KAZN: variants seen among roughly 807,000 people sequenced by gnomAD.
KAZN encodes kazrin.
Under a neutral mutation model 87.4 loss-of-function variants are expected in KAZN, and 40 were observed. The ratio of observed to expected loss-of-function variants is 0.46; its 90% confidence interval spans 0.36 to 0.60. The LOEUF (loss-of-function observed/expected upper bound fraction) is 0.60, where lower values mean the gene tolerates loss of function less well. Among genes scored for constraint, KAZN ranks in the 20% least tolerant of loss-of-function variants. The pLI is 0.00. For missense variants in KAZN, 898 were observed against 1,073.9 expected (o/e 0.84, Z 2.29); for synonymous variants, 466 against 458.3 (o/e 1.02, Z -0.22).
chr1:15,044,175 AC>A lies in KAZN; in HGVS notation c.726+19del. The stretch of plus-strand genomic sequence containing the variant: ...GCTGGCCATGGTGAGAACCCTCCCC[AC>A]CCAGGTGGGCCTGGCATCTGCTAGC... On this transcript the variant is annotated intron_variant, in intron 4 of 14. Coordinates refer to ENST00000376030, the MANE Select transcript of KAZN (RefSeq NM_201628.3). The A allele has an allele frequency of 7.2e-7, 1 of 1,390,972 alleles. No homozygotes were observed. Among genetic ancestry groups the A allele is most frequent in the South Asian group, 1.2e-5 (1 of 83,804 alleles). The allele number at this position is 1,390,972 out of a possible 1,614,324, so 86.2% of individuals were successfully genotyped here. A position where few individuals can be genotyped will look rare whatever the true frequency, so the allele number is the denominator to read the frequency against.
At chr1:14,609,846 T>G (rs1192896209) in intron 1 of KAZN, among the ~76,000 whole-genome samples, 1 of 152,240 alleles carries the variant, frequency 6.6e-6, no homozygotes, top group Non-Finnish European at 1.5e-5. Flanking sequence ...TTGATTTGTC[T>G]AAGATTGGTG....
rs189550623 is a variant in KAZN at position 13,970,042 on chromosome 1, T to G, written c.91+76286T>G. Among the ~76,000 whole-genome samples the G allele has an allele frequency of 4.5e-4, 68 of 152,326 alleles. 1 individual carries two copies. In the East Asian group the frequency reaches 9.3e-3, roughly 21 times the overall value. On this transcript the variant is annotated intron_variant, in intron 1 of 16. Coordinates refer to the KAZN transcript ENST00000636203. ...AACTTGGTTTATTTGATGCCCAAAT[T>G]CATGCTATTTCTATTCTACTAAATG...
At chr1:14,027,323 A>G (rs1641121356) in intron 1 of KAZN, among the ~76,000 whole-genome samples, 1 of 152,220 alleles carries the variant, frequency 6.6e-6, no homozygotes, top group Non-Finnish European at 1.5e-5. Context: ...CTAATGAGGC[A>G]GTTGCCATGG....
intron 2 of KAZN, among the ~76,000 whole-genome samples, chr1:14,445,334 T>C (rs1666923049): frequency 6.6e-6 from 1 of 152,014 alleles, no homozygotes; most frequent in African/African-American, 2.4e-5. Context: ...CCAACTGGTG[T>C]GCTTTTAAGA....
At chr1:14,036,417 A>AT (rs1382015228) in intron 1 of KAZN, among the ~76,000 whole-genome samples, 1 of 152,228 alleles carries the variant, frequency 6.6e-6, no homozygotes, top group Non-Finnish European at 1.5e-5. Flanking sequence ...GTGTTATTCC[A>AT]TGGTTGGGCA....
At chr1:14,478,302 GAT>G (rs1668884281) in intron 2 of KAZN, among the ~76,000 whole-genome samples, 1 of 151,056 alleles carries the variant, frequency 6.6e-6, no homozygotes. Flanking sequence ...TGGATGGGAG[GAT>G]ATATGGATGG....
rs1051977768 is a variant in KAZN at position 15,115,658 on chromosome 1, A to C, written c.*1023A>C. On this transcript the variant is annotated 3_prime_UTR_variant, in exon 15 of 15. Coordinates refer to ENST00000376030, the MANE Select transcript of KAZN (RefSeq NM_201628.3). The surrounding 1 kb of genome is among the most constrained non-coding windows in gnomAD (Gnocchi z 4.1). Reference sequence around the variant, plus strand: ...CCTAACCGAGACACAAACTCCACAGAGCAAAATCATTTGGTATTGGTGGGG... The same window carrying C: ...CCTAACCGAGACACAAACTCCACAGCGCAAAATCATTTGGTATTGGTGGGG... 1.3e-5 allele frequency: 2 copies of C among 152,100 alleles called. No homozygotes were observed. The highest frequency in any genetic ancestry group is 2.9e-5 in the Non-Finnish European group (2 of 68,010). The allele number at this position is 152,100 out of a possible 1,614,324, so 9.4% of individuals were successfully genotyped here. A position where few individuals can be genotyped will look rare whatever the true frequency, so the allele number is the denominator to read the frequency against.
intron 1 of KAZN, among the ~76,000 whole-genome samples, chr1:14,632,027 G>A (rs1375913316): frequency 1.3e-5 from 2 of 152,156 alleles, no homozygotes; most frequent in African/African-American, 4.8e-5. Flanking sequence ...AAGTATGATT[G>A]CCAAACTGCT....
At chr1:14,994,972 C>T (rs909754275) in intron 2 of KAZN, among the ~76,000 whole-genome samples, 1 of 152,232 alleles carries the variant, frequency 6.6e-6, no homozygotes, top group Non-Finnish European at 1.5e-5. Flanking sequence ...CCACCAAGGC[C>T]ACCACTGATG....
intron 2 of KAZN, among the ~76,000 whole-genome samples, chr1:14,565,965 C>T (rs1199376324): frequency 6.6e-6 from 1 of 152,174 alleles, no homozygotes; most frequent in Non-Finnish European, 1.5e-5. Context: ...TCAGCTTCTT[C>T]CAAACTCCTT....
chr1:14,456,299 C>A (rs1349517252), intron 2 of KAZN, among the ~76,000 whole-genome samples: 3 of 152,168 alleles, frequency 2.0e-5, no homozygotes, highest in East Asian at 1.9e-4. Context: ...TCATTAAAGT[C>A]TTTTCTGATA....
intron 1 of KAZN, among the ~76,000 whole-genome samples, chr1:14,921,144 T>TGAG (rs1658467279): frequency 7.8e-6 from 1 of 127,648 alleles, no homozygotes; most frequent in Admixed American, 8.5e-5. Flanking sequence ...GTCCTGGGCC[T>TGAG]GAGCATGCAA....
chr1:14,780,592 T>A (rs763778249), intron 1 of KAZN, among the ~76,000 whole-genome samples: 3 of 152,202 alleles, frequency 2.0e-5, no homozygotes, highest in Non-Finnish European at 4.4e-5. Context: ...TTAAGCAAGA[T>A]GCTATAAATA....
intron 1 of KAZN, among the ~76,000 whole-genome samples, chr1:14,702,326 C>CTGTGTG (rs3222186): frequency 0.055 from 7,314 of 133,270 alleles, 299 homozygotes; most frequent in African/African-American, 0.093. Context: ...TTTTGCAAAA[C>CTGTGTG]TGTGTGTGTG....
At chr1:14,614,249 C>G (rs1164718507) in intron 1 of KAZN, among the ~76,000 whole-genome samples, 1 of 152,222 alleles carries the variant, frequency 6.6e-6, no homozygotes, top group African/African-American at 2.4e-5. Context: ...ATGGCATTTA[C>G]AAAACCATTT....
At chr1:14,694,450 T>C (rs1641490277) in intron 1 of KAZN, among the ~76,000 whole-genome samples, 1 of 152,252 alleles carries the variant, frequency 6.6e-6, no homozygotes, top group East Asian at 1.9e-4. Context: ...TCTGTGTTGA[T>C]CTCCTCAACT....
At chr1:13,951,717 G>C (rs12745317) in intron 1 of KAZN, among the ~76,000 whole-genome samples, 3,790 of 151,970 alleles carry the variant, frequency 0.025, 70 homozygotes, top group Middle Eastern at 0.065. Flanking sequence ...AAACAGAATG[G>C]CCAGCACAGG....
intron 1 of KAZN, among the ~76,000 whole-genome samples, chr1:14,951,539 C>T (rs571167750): frequency 1.3e-5 from 2 of 152,062 alleles, no homozygotes; most frequent in African/African-American, 4.8e-5. Context: ...TGCAATGGCA[C>T]AATCTCGGTT....
At chr1:14,994,731 G>A (rs1393131675) in intron 2 of KAZN, among the ~76,000 whole-genome samples, 1 of 152,242 alleles carries the variant, frequency 6.6e-6, no homozygotes, top group East Asian at 1.9e-4. Context: ...ACTTTGGTGT[G>A]TAGCATTTAC....
Sources: gnomAD v4.1 joint callset for allele counts (sites outside exome capture counted in the v4.1 genomes callset) on GRCh38, gnomAD v4.1.1 for gene constraint, Gnocchi (gnomAD v3.1) non-coding constraint, MANE v1.5 for transcripts, NCBI Gene and HGNC (gene_info 2026-07-23, HGNC 2026-07-21) for gene names.